The following KDM4B variants were observed in gnomAD, a reference collection of about 807,000 sequenced individuals.
The protein encoded by KDM4B is lysine demethylase 4B, also known as lysine-specific demethylase 4B.
In KDM4B, 32 loss-of-function variants were observed where a neutral mutation model predicts 125.2. That is an observed-to-expected ratio of 0.26 (90% CI 0.19 to 0.34). The LOEUF (loss-of-function observed/expected upper bound fraction) is 0.34, where lower values mean the gene tolerates loss of function less well. KDM4B is among the 10% of genes least tolerant of loss of function. KDM4B has a pLI of 1.00. For missense variants in KDM4B, 1,190 were observed against 1,577.7 expected, an observed-to-expected ratio of 0.75 and a Z score of 4.16; for synonymous variants, 721 against 677.9, an observed-to-expected ratio of 1.06 and a Z score of -0.99.
rs999351324 is a variant in KDM4B at position 5,114,189 on chromosome 19, C to T, written c.1115+3371C>T. On this transcript the variant is annotated intron_variant, in intron 10 of 22. Transcript: ENST00000159111. This position sits in a 1 kb window ranked among gnomAD's most constrained non-coding sequence, Gnocchi z 5.8. ...CGCTCCTCCATGCAAACTCTTTCCACGCGAGAAGCGCCATGTGCACGTGCT... is the reference window on the plus strand; with the variant it reads ...CGCTCCTCCATGCAAACTCTTTCCATGCGAGAAGCGCCATGTGCACGTGCT... 89 of 1,289,646 alleles carry T rather than the reference C, an allele frequency of 6.9e-5. No individual in the cohort carries two copies. The highest frequency in any genetic ancestry group is 8.1e-5 in the Non-Finnish European group (80 of 988,860). 79.9% of individuals were successfully genotyped at this position (1,289,646 alleles called of 1,614,324 possible). A position where few individuals can be genotyped will look rare whatever the true frequency, so the allele number is the denominator to read the frequency against.
At position 5,115,619 on chromosome 19, in the gene KDM4B, C is replaced by A. The variant is rs2039240193; in HGVS notation, c.1116-4034C>A. ...CCCGACACATTGGAGGCTGCGCTCC[C>A]ATGACAAAGGCAGGGCCTGCACAGC... On this transcript the variant is annotated intron_variant, in intron 10 of 22. Coordinates refer to ENST00000159111, the MANE Select transcript of KDM4B (RefSeq NM_015015.3). This position sits in a 1 kb window ranked among gnomAD's most constrained non-coding sequence, Gnocchi z 4.2. Among the ~76,000 whole-genome samples the A allele has an allele frequency of 6.6e-6, 1 of 152,254 alleles. No homozygotes were observed. The highest frequency in any genetic ancestry group is 2.1e-4 in the South Asian group (1 of 4,834).
At position 5,131,096 on chromosome 19, in the gene KDM4B, C is replaced by T. The variant is rs201358147; in HGVS notation, c.1336C>T (p.Arg446Trp). 3.9e-4 allele frequency: 585 copies of T among 1,512,876 alleles called. No individual in the cohort carries two copies. Among genetic ancestry groups the T allele is most frequent in the Non-Finnish European group, 4.9e-4 (550 of 1,130,362 alleles). 93.7% of individuals were successfully genotyped at this position (1,512,876 alleles called of 1,614,324 possible). ...GAEEDGRGKL[R>W]PTKAKSERKK... ...CACAGAGGACGGGAGGGGCAAGCTGCGGCCAACCAAGGCCAAGAGCGAGCG... is the reference window on the plus strand; with the variant it reads ...CACAGAGGACGGGAGGGGCAAGCTGTGGCCAACCAAGGCCAAGAGCGAGCG... The change falls in exon 12 of 23, where the codon CGG becomes TGG. Residue 446 changes from arginine to tryptophan, a missense_variant. Arg to Trp is a moderately radical substitution (Grantham distance 101). Transcript: ENST00000159111.
intron 2 of KDM4B, among the ~76,000 whole-genome samples, chr19:5,026,839 C>G (rs2036293319): frequency 6.6e-6 from 1 of 152,226 alleles, no homozygotes; most frequent in South Asian, 2.1e-4. Flanking sequence ...AAATCCCTCC[C>G]TACCCCTGCC....
intron 1 of KDM4B, among the ~76,000 whole-genome samples, chr19:5,001,277 G>C (rs1198459190): frequency 6.6e-6 from 1 of 152,034 alleles, no homozygotes; most frequent in African/African-American, 2.4e-5. Context: ...GGCTCAAGTG[G>C]GCTCCCAAAG....
At chr19:5,127,404 C>T (rs1222297443) in intron 11 of KDM4B, among the ~76,000 whole-genome samples, 1 of 152,202 alleles carries the variant, frequency 6.6e-6, no homozygotes, top group Non-Finnish European at 1.5e-5. Context: ...TAACAGGGTC[C>T]CCTGTGTGTC....
At position 5,131,887 on chromosome 19, in the gene KDM4B, G is replaced by A. The variant is rs1346028934; in HGVS notation, c.1786G>A (p.Ala596Thr). ...ETKARAGEGQ[A>T]PSTFSKLKME... ...CACTACAGCCTGTTGTGTGTTTCAG[G>A]CACCGTCCACATTTTCCAAATTGAA... The change falls in exon 13 of 23, where the codon GCA becomes ACA. Residue 596 changes from alanine (A) to threonine (T), a missense_variant and splice_region_variant. This residue lies in a region of KDM4B where 428 missense variants were observed against 405.1 expected (regional missense o/e 1.06). Transcript: ENST00000159111. 3.7e-6 allele frequency: 6 copies of A among 1,612,778 alleles called. No homozygotes were observed. The highest frequency in any genetic ancestry group is 5.1e-6 in the Non-Finnish European group (6 of 1,179,856).
At position 5,035,497 on chromosome 19, in the gene KDM4B, G is replaced by T. The variant is rs923783686; in HGVS notation, c.141+2466G>T. Among the ~76,000 whole-genome samples the T allele has an allele frequency of 6.6e-5, 10 of 152,060 alleles. No individual in the cohort carries two copies. The highest frequency in any genetic ancestry group is 1.0e-4 in the Non-Finnish European group (7 of 67,996). ...TCTCTGCCCTCCACGTGGCGGCCTT[G>T]GGTGCAGCCTGGGTTCCCGGGTGGC... On this transcript the variant is annotated intron_variant, in intron 3 of 22. Transcript: ENST00000159111. This position sits in a 1 kb window ranked among gnomAD's most constrained non-coding sequence, Gnocchi z 5.3.
intron 1 of KDM4B, among the ~76,000 whole-genome samples, chr19:5,010,711 G>A (rs931809753): frequency 6.6e-6 from 1 of 152,098 alleles, no homozygotes; most frequent in Non-Finnish European, 1.5e-5. Flanking sequence ...GCAGTGGCGC[G>A]ATCTTCGCTC....
chr19:5,131,015 G>T (rs2039532716), intron 11 of KDM4B, 61 bp from the exon 12 acceptor site: 1 of 1,248,772 alleles, frequency 8.0e-7, no homozygotes, highest in Non-Finnish European at 1.1e-6. Flanking sequence ...TTTCTGGGGA[G>T]CGTGGGACCA....
At chr19:5,051,764 G>A (rs897541884) in intron 6 of KDM4B, among the ~76,000 whole-genome samples, 6 of 152,262 alleles carry the variant, frequency 3.9e-5, no homozygotes, top group African/African-American at 1.4e-4. Flanking sequence ...GGGCGAAGGA[G>A]CGCTTGCCCG....
chr19:5,001,693 G>A (rs972169103), intron 1 of KDM4B, among the ~76,000 whole-genome samples: 4 of 151,180 alleles, frequency 2.6e-5, no homozygotes, highest in South Asian at 2.1e-4. Flanking sequence ...CAGCTGTGTC[G>A]TCTGGGAGGG....
chr19:5,052,875 C>T (rs977810055), intron 6 of KDM4B, among the ~76,000 whole-genome samples: 11 of 152,264 alleles, frequency 7.2e-5, no homozygotes, highest in African/African-American at 1.4e-4. Flanking sequence ...CTTCTGAGCC[C>T]GGGACCCGGG....
At chr19:5,143,800 G>A (rs1444763518) in intron 18 of KDM4B, among the ~76,000 whole-genome samples, 167 bp from the exon 19 acceptor site, 6 of 152,176 alleles carry the variant, frequency 3.9e-5, no homozygotes, top group African/African-American at 1.4e-4. Context: ...GCTTGGCCAG[G>A]GAGGCTGCGG....
intron 10 of KDM4B, chr19:5,119,243 T>C (rs1270082323): frequency 2.8e-5 from 41 of 1,445,614 alleles, no homozygotes; most frequent in Non-Finnish European, 3.7e-5. Context: ...TCGTTCCGTT[T>C]GTCGTCTAGG....
rs145056033 is a variant in KDM4B, at chr19:5,129,771, C to T, written c.1316-1305C>T. 3.5e-3 allele frequency among the ~76,000 whole-genome samples: 535 copies of T among 152,350 alleles called. 5 individuals carry two copies. The highest frequency in any genetic ancestry group is 0.012 in the African/African-American group (511 of 41,588). On this transcript the variant is annotated intron_variant, in intron 11 of 22. Coordinates refer to ENST00000159111, the MANE Select transcript of KDM4B (RefSeq NM_015015.3). ...AGGTGGGGGCCTGAGCCCCTGTCCC[C>T]CTCCTCCAGATGGAGCAGGCAGGGC...
intron 11 of KDM4B, 30 bp downstream of exon 11, chr19:5,119,882 C>T (rs763619107): frequency 9.5e-5 from 146 of 1,541,738 alleles, no homozygotes; most frequent in Non-Finnish European, 1.1e-4. Flanking sequence ...GGCCTGGCAC[C>T]GCTGTTTTCC....
chr19:5,119,881 C>G lies in KDM4B; in HGVS notation c.1315+29C>G, dbSNP rs940959903. ...AGTCCCTGCCGGGCCAGGCCTGGCA[C>G]CGCTGTTTTCCCACCCCCGTGGGCA... On this transcript the variant is annotated intron_variant, in intron 11 of 22. Coordinates refer to ENST00000159111, the MANE Select transcript of KDM4B (RefSeq NM_015015.3). 11 of 1,541,758 alleles carry G rather than the reference C, an allele frequency of 7.1e-6. No individual in the cohort carries two copies. The African/African-American group carries it at 1.4e-4, about 19-fold the overall frequency.
intron 2 of KDM4B, among the ~76,000 whole-genome samples, chr19:5,029,062 CGCCACACCTG>C (rs1476085097): frequency 1.3e-5 from 2 of 152,134 alleles, no homozygotes; most frequent in Admixed American, 1.3e-4. Context: ...AGGTGCAGAC[CGCCACACCTG>C]GCTAATTTTT....
intron 2 of KDM4B, among the ~76,000 whole-genome samples, chr19:5,020,168 T>G (rs1221261128): frequency 7.1e-6 from 1 of 141,188 alleles, no homozygotes; most frequent in Admixed American, 7.0e-5. Flanking sequence ...GGTGTGGATG[T>G]TGGTGTGGGT....
Sources: allele counts gnomAD v4.1 joint callset (sites outside exome capture counted in the v4.1 genomes callset), GRCh38; gene constraint gnomAD v4.1.1; regional missense constraint gnomAD v4.1.1; non-coding constraint Gnocchi (gnomAD v3.1); transcripts MANE v1.5; gene names NCBI Gene and HGNC (gene_info 2026-07-23, HGNC 2026-07-21).